Variants in FOXK2 observed in about 807,000 individuals in gnomAD.
FOXK2 encodes forkhead box K2, also known as forkhead box protein K2.
Under a neutral mutation model 53.3 loss-of-function variants are expected in FOXK2, and 24 were observed. That is an observed-to-expected ratio of 0.45 (90% CI 0.33 to 0.63). The LOEUF is 0.63. Among genes scored for constraint, FOXK2 ranks in the 30% least tolerant of loss-of-function variants. The probability of loss-of-function intolerance (pLI) is 0.03; values close to 1 mark genes in which losing one functional copy is unlikely to be tolerated. For missense variants in FOXK2, 952 were observed against 910.5 expected, an observed-to-expected ratio of 1.05 and a Z score of -0.59; for synonymous variants, 505 against 407.1, an observed-to-expected ratio of 1.24 and a Z score of -2.89.
At chr17:82,589,127 G>A (rs2045228839) in intron 8 of FOXK2, among the ~76,000 whole-genome samples, 1 of 152,124 alleles carries the variant, frequency 6.6e-6, no homozygotes, top group Non-Finnish European at 1.5e-5. Context: ...ATAAATTTAA[G>A]CAAGTGTTTT....
chr17:82,586,660 G>T (rs1254530817), intron 7 of FOXK2, among the ~76,000 whole-genome samples: 3 of 152,148 alleles, frequency 2.0e-5, no homozygotes, highest in Admixed American at 6.5e-5. Flanking sequence ...CCAGCACTAT[G>T]GGGGGCTGAG....
chr17:82,552,780 G>T (rs2044688790), intron 1 of FOXK2, among the ~76,000 whole-genome samples: 1 of 152,108 alleles, frequency 6.6e-6, no homozygotes, highest in Admixed American at 6.6e-5. Context: ...GGTGGTTGAA[G>T]AGCAGCATCC....
chr17:82,522,946 C>T (rs1332828977), intron 1 of FOXK2, among the ~76,000 whole-genome samples: 1 of 152,050 alleles, frequency 6.6e-6, no homozygotes, highest in Non-Finnish European at 1.5e-5. Context: ...AGGCACACGC[C>T]ACCACACCCA....
At chr17:82,522,552 T>C (rs1460130872) in intron 1 of FOXK2, among the ~76,000 whole-genome samples, 1 of 151,398 alleles carries the variant, frequency 6.6e-6, no homozygotes, top group African/African-American at 2.4e-5. Flanking sequence ...TTTGTATTTT[T>C]AGTAGAGACG....
intron 8 of FOXK2, among the ~76,000 whole-genome samples, chr17:82,589,065 A>G (rs933275912): frequency 1.3e-4 from 20 of 152,304 alleles, no homozygotes; most frequent in Middle Eastern, 6.8e-3. Flanking sequence ...CTCAACAAAA[A>G]AAGAAAAACG....
At chr17:82,558,340 A>T (rs1301077356) in intron 1 of FOXK2, among the ~76,000 whole-genome samples, 1 of 152,138 alleles carries the variant, frequency 6.6e-6, no homozygotes, top group Non-Finnish European at 1.5e-5. Flanking sequence ...CCTGCCTGAA[A>T]ACGAAAAGGA....
At chr17:82,587,323 A>T in intron 8 of FOXK2, 51 bp downstream of exon 8, 1 of 1,400,076 alleles carries the variant, frequency 7.1e-7, no homozygotes, top group South Asian at 1.2e-5. Context: ...CTGGGAGCAG[A>T]GCCCCTTCTC....
chr17:82,559,011 A>G (rs1161998581), intron 1 of FOXK2, among the ~76,000 whole-genome samples: 3 of 151,918 alleles, frequency 2.0e-5, no homozygotes, highest in African/African-American at 4.8e-5. Context: ...GGTCTCCCAG[A>G]GTGCTGGAAT....
intron 1 of FOXK2, among the ~76,000 whole-genome samples, chr17:82,534,709 C>G (rs908754739): frequency 2.4e-4 from 37 of 152,370 alleles, no homozygotes; most frequent in African/African-American, 8.7e-4. Context: ...TGCCTCAGCA[C>G]TCACTCCTGT....
intron 3 of FOXK2, among the ~76,000 whole-genome samples, chr17:82,569,536 G>A (rs1462166346): frequency 6.6e-6 from 1 of 152,194 alleles, no homozygotes. Flanking sequence ...CCTGTCTCTT[G>A]ACCTAGTATA....
In FOXK2 at chr17:82,546,653, G is replaced by A. The variant is rs145051297; in HGVS notation, c.420-16701G>A. Among the ~76,000 whole-genome samples the A allele has an allele frequency of 1.8e-3, 276 of 151,530 alleles. 2 individuals are homozygous for A. Among genetic ancestry groups the A allele is most frequent in the Middle Eastern group, 6.8e-3 (2 of 292 alleles). On this transcript the variant is annotated intron_variant, in intron 1 of 8. Coordinates refer to ENST00000335255, the MANE Select transcript of FOXK2 (RefSeq NM_004514.4). ...TTTCTTTTCCTTTTTTTTAAACGGTGACGGGGGTCTCACCATGTTGCCCAG... is the reference window on the plus strand; with the variant it reads ...TTTCTTTTCCTTTTTTTTAAACGGTAACGGGGGTCTCACCATGTTGCCCAG...
intron 1 of FOXK2, among the ~76,000 whole-genome samples, chr17:82,560,299 C>T (rs1464812327): frequency 1.3e-5 from 2 of 152,024 alleles, no homozygotes; most frequent in Non-Finnish European, 2.9e-5. Context: ...TGAACCACTG[C>T]GCCCGGCCCT....
At chr17:82,584,548 CCTTTT>C (rs1315272913) in intron 6 of FOXK2, among the ~76,000 whole-genome samples, 1 of 76,252 alleles carries the variant, frequency 1.3e-5, no homozygotes, top group East Asian at 4.3e-4. Flanking sequence ...AAAAACATGT[CCTTTT>C]TTTTTTTTTT....
At chr17:82,564,166 C>T (rs2044829265) in intron 2 of FOXK2, among the ~76,000 whole-genome samples, 1 of 148,218 alleles carries the variant, frequency 6.7e-6, no homozygotes, top group Admixed American at 6.8e-5. Flanking sequence ...CGGCTCACTG[C>T]AACCTCTGCC....
intron 7 of FOXK2, among the ~76,000 whole-genome samples, chr17:82,586,689 G>C (rs1458315527): frequency 6.6e-6 from 1 of 152,046 alleles, no homozygotes; most frequent in Non-Finnish European, 1.5e-5. Context: ...ATCACCTGAG[G>C]TTAGGAGTTG....
In FOXK2 at chr17:82,519,965, GGGGCGGCGGGTCCCCGCC is replaced by G. The variant is rs2044342379; in HGVS notation, c.85_102del (p.Gly29_Gly34del). The G allele has an allele frequency of 5.7e-6, 6 of 1,052,886 alleles. No individual in the cohort carries two copies. Among genetic ancestry groups the G allele is most frequent in the Non-Finnish European group, 7.1e-6 (6 of 847,592 alleles). 65.2% of individuals were successfully genotyped at this position (1,052,886 alleles called of 1,614,324 possible). On this transcript the variant is annotated inframe_deletion, in exon 1 of 9. Transcript: ENST00000335255. Reference sequence around the variant, plus strand: ...GGCGGGGCCGGGGGCGGCGGGGCCGGGGGCGGCGGGTCCCCGCCGGGCGGCTGGGCCGTGGCGCGCCTG... The same window carrying G: ...GGCGGGGCCGGGGGCGGCGGGGCCGGGGGCGGCTGGGCCGTGGCGCGCCTG...
chr17:82,566,739 T>C (rs931863761), intron 2 of FOXK2, among the ~76,000 whole-genome samples: 2 of 152,126 alleles, frequency 1.3e-5, no homozygotes, highest in Non-Finnish European at 2.9e-5. Flanking sequence ...GCTGCTTTCT[T>C]TTCATCCTGC....
intron 4 of FOXK2, among the ~76,000 whole-genome samples, chr17:82,574,705 A>G (rs569552558): frequency 6.6e-6 from 1 of 152,234 alleles, no homozygotes; most frequent in East Asian, 1.9e-4. Flanking sequence ...GTGCCATGAG[A>G]TTCTCTGAGC....
At chr17:82,571,471 G>C in intron 3 of FOXK2, among the ~76,000 whole-genome samples, 1 of 152,000 alleles carries the variant, frequency 6.6e-6, no homozygotes, top group Non-Finnish European at 1.5e-5. Context: ...CGCGGTGGCA[G>C]GCGCCTGTGA....
Sources: gnomAD v4.1 joint callset for allele counts (sites outside exome capture counted in the v4.1 genomes callset) on GRCh38, gnomAD v4.1.1 for gene constraint, MANE v1.5 for transcripts, NCBI Gene and HGNC (gene_info 2026-07-23, HGNC 2026-07-21) for gene names.